Variants in ITGAE observed in about 807,000 individuals in gnomAD.
ITGAE encodes the protein integrin subunit alpha E.
A neutral mutation model predicts 136.5 loss-of-function variants in ITGAE; 99 were observed. The observed-to-expected ratio is 0.73, with a 90% CI of 0.62 to 0.86. ITGAE has a LOEUF of 0.86. ITGAE is among the 40% of genes least tolerant of loss of function. The pLI is 0.00. For synonymous variants in ITGAE, 613 were observed against 591.8 expected (o/e 1.04, Z -0.52); for missense variants, 1,447 against 1,515.3 (o/e 0.95, Z 0.75).
chr17:3,745,676 C>G, intron 18 of ITGAE, 88 bp downstream of exon 18: 1 of 1,263,470 alleles, frequency 7.9e-7, no homozygotes. Flanking sequence ...ATTTGTAGGT[C>G]TGGGTATGTG....
At chr17:3,730,835 A>G (rs1452351334) in intron 23 of ITGAE, among the ~76,000 whole-genome samples, 1 of 152,242 alleles carries the variant, frequency 6.6e-6, no homozygotes, top group South Asian at 2.1e-4. Context: ...TCCAAAGCTG[A>G]GTGAACGAGA....
At position 3,757,006 on chromosome 17, in the gene ITGAE, C is replaced by T; in HGVS notation, c.1149G>A (p.Arg383=). ...CACCTTCCATGCTGATGATGTTGTA[C>T]CGCAGTTTGCTCAGCAGCCCATCCA... is the stretch of plus-strand genomic sequence containing the variant. ...MALDGLLSKL[R]YNIISMEGTV... The change falls in exon 10 of 31, where the codon CGG becomes CGA. Residue 383 remains arginine, a synonymous_variant. Coordinates refer to ENST00000263087, the MANE Select transcript of ITGAE (RefSeq NM_002208.5). 6.2e-7 allele frequency: 1 copy of T among 1,614,116 alleles called. No homozygotes were observed. The highest frequency in any genetic ancestry group is 1.1e-5 in the South Asian group (1 of 91,078).
At chr17:3,724,886 T>C in intron 26 of ITGAE, 8 of 1,613,552 alleles carry the variant, frequency 5.0e-6, no homozygotes, top group Non-Finnish European at 6.8e-6. Flanking sequence ...AGGAGGCCAG[T>C]GTTCCCAAGG....
chr17:3,743,705 CTT>C (rs34843140), intron 18 of ITGAE, 88 bp from the exon 19 acceptor site: 5,911 of 922,614 alleles, frequency 6.4e-3, no homozygotes, highest in East Asian at 0.011. Flanking sequence ...TTCTTTTTTT[CTT>C]TTTTTTTTTT....
chr17:3,744,393 C>T (rs2143015899), intron 18 of ITGAE, among the ~76,000 whole-genome samples: 2 of 151,538 alleles, frequency 1.3e-5, no homozygotes, highest in South Asian at 4.2e-4. Flanking sequence ...AAAGAACTGG[C>T]TCAGACAGAA....
intron 2 of ITGAE, among the ~76,000 whole-genome samples, chr17:3,775,538 C>A (rs1355453573): frequency 1.3e-5 from 2 of 152,150 alleles, no homozygotes; most frequent in Non-Finnish European, 2.9e-5. Flanking sequence ...CGGCTCACTG[C>A]AGCCTCCACC....
At chr17:3,748,170 C>G (rs78952341) in intron 16 of ITGAE, 118 bp from the exon 17 acceptor site, 11,492 of 1,032,114 alleles carry the variant, frequency 0.011, 275 homozygotes, top group South Asian at 0.063. Context: ...TCCAGGTGAT[C>G]CCTGAGTCTC....
chr17:3,761,798 G>A (rs2052177388), intron 4 of ITGAE, 117 bp downstream of exon 4: 3 of 920,598 alleles, frequency 3.3e-6, no homozygotes, highest in African/African-American at 1.6e-5. Flanking sequence ...CCAGGGAGAC[G>A]CTAGACTCAG....
chr17:3,786,228 C>T (rs1330118897), intron 1 of ITGAE, among the ~76,000 whole-genome samples: 1 of 149,184 alleles, frequency 6.7e-6, no homozygotes, highest in Non-Finnish European at 1.5e-5. Context: ...GTAAACTTGA[C>T]AATCTGGGTG....
chr17:3,755,154 C>A lies in ITGAE; in HGVS notation c.1347G>T (p.Ala449=). ...RGRFLNQTAA[A]AADAEAAQYS... ...ACTGCGCAGCCTCCGCGTCTGCCGC[C>A]GCCGCCGCTGTCTGGTTCAGGAAGC... Residue 449 remains alanine, a synonymous_variant, in exon 12 of 31, where the codon GCG becomes GCT. Coordinates refer to ENST00000263087, the MANE Select transcript of ITGAE (RefSeq NM_002208.5). The A allele has an allele frequency of 6.3e-7, 1 of 1,577,774 alleles. No individual in the cohort carries two copies. The highest frequency in any genetic ancestry group is 1.1e-5 in the South Asian group (1 of 88,340).
intron 1 of ITGAE, among the ~76,000 whole-genome samples, chr17:3,794,633 C>T (rs1049683943): frequency 2.6e-5 from 4 of 152,158 alleles, no homozygotes; most frequent in African/African-American, 7.2e-5. Flanking sequence ...GTACTGTTCC[C>T]GCTGCTCCCC....
chr17:3,730,927 T>C (rs936265682), intron 23 of ITGAE, among the ~76,000 whole-genome samples, 177 bp downstream of exon 23: 2 of 152,176 alleles, frequency 1.3e-5, no homozygotes, highest in Admixed American at 1.3e-4. Context: ...TCATTATCTC[T>C]GGTAACAAGA....
intron 1 of ITGAE, among the ~76,000 whole-genome samples, chr17:3,784,732 T>C (rs1054030497): frequency 2.6e-5 from 4 of 152,170 alleles, no homozygotes; most frequent in Non-Finnish European, 2.9e-5. Context: ...TTTACCAAAA[T>C]TGACCATATG....
Position 3,755,127 on chromosome 17 carries a change from GTAC to G in ITGAE, c.1371_1373del (p.Gln457_Tyr458delinsHis). 8.2e-7 allele frequency: 1 copy of G among 1,220,780 alleles called. No homozygotes were observed. Among genetic ancestry groups the G allele is most frequent in the East Asian group, 2.6e-5 (1 of 38,594 alleles). 75.6% of individuals were successfully genotyped at this position (1,220,780 alleles called of 1,614,324 possible). Reference sequence around the variant, plus strand: ...TGGCCCCGCCCTCACCCAGGTAGCTGTACTGCGCAGCCTCCGCGTCTGCCGCCG... The same window carrying G: ...TGGCCCCGCCCTCACCCAGGTAGCTGTGCGCAGCCTCCGCGTCTGCCGCCG... On this transcript the variant is annotated inframe_deletion, in exon 12 of 31. Transcript: ENST00000263087.
chr17:3,731,275 G>T, intron 22 of ITGAE, 92 bp from the exon 23 acceptor site: 1 of 859,526 alleles, frequency 1.2e-6, no homozygotes, highest in Non-Finnish European at 1.9e-6. Context: ...CCTAGGAGAC[G>T]ATTCCTCAGA....
intron 2 of ITGAE, among the ~76,000 whole-genome samples, chr17:3,776,081 G>A (rs76682784): frequency 0.044 from 5,344 of 122,088 alleles, 158 homozygotes; most frequent in East Asian, 0.12. Flanking sequence ...TTTTTGAGAC[G>A]GAGTCTTGCT....
intron 18 of ITGAE, 121 bp downstream of exon 18, chr17:3,745,643 G>A (rs142422219): frequency 9.8e-7 from 1 of 1,021,880 alleles, no homozygotes; most frequent in Non-Finnish European, 1.4e-6. Flanking sequence ...TGCCTGGCCT[G>A]TTATGATTAT....
Position 3,728,165 on chromosome 17 carries a change from T to A in ITGAE, c.2916A>T (p.Pro972=), listed in dbSNP as rs1555518474. The A allele has an allele frequency of 1.9e-6, 3 of 1,612,314 alleles. No individual in the cohort carries two copies. The South Asian group carries it at 3.3e-5, about 18-fold the overall frequency. The change falls in exon 25 of 31, where the codon CCA becomes CCT. Residue 972 remains proline, a synonymous_variant. Coordinates refer to ENST00000263087, the MANE Select transcript of ITGAE (RefSeq NM_002208.5). ...RHGFVAVLSK[P]SIMYVNTGQG... ...GGCCTGTGTTCACGTACATTATGGA[T>A]GGTCTGCAATTGACAGGACATGCGT...
chr17:3,796,192 T>TGTGTGG (rs1016303323), intron 1 of ITGAE, among the ~76,000 whole-genome samples: 3 of 148,596 alleles, frequency 2.0e-5, no homozygotes, highest in South Asian at 2.1e-4. Flanking sequence ...TGTGTGTGTG[T>TGTGTGG]GGTGGGGTAG....
Sources: gnomAD v4.1 joint callset for allele counts (sites outside exome capture counted in the v4.1 genomes callset) on GRCh38, gnomAD v4.1.1 for gene constraint, MANE v1.5 for transcripts, NCBI Gene and HGNC (gene_info 2026-07-23, HGNC 2026-07-21) for gene names.